The following TENM2 variants were observed in gnomAD, a reference collection of about 807,000 sequenced individuals.
TENM2 encodes the protein teneurin transmembrane protein 2, also known as teneurin-2.
A neutral mutation model predicts 245.2 loss-of-function variants in TENM2; 52 were observed. The ratio of observed to expected loss-of-function variants is 0.21; its 90% CI spans 0.17 to 0.27. TENM2 has a LOEUF of 0.27. Among genes scored for constraint, TENM2 ranks in the 10% least tolerant of loss-of-function variants. TENM2 has a pLI of 1.00. For missense variants in TENM2, 3,046 were observed against 3,666.8 expected (o/e 0.83, Z 4.37); for synonymous variants, 1,363 against 1,438.9 (o/e 0.95, Z 1.19).
chr5:167,754,795 C>A, intron 2 of TENM2: 1 of 334,058 alleles, frequency 3.0e-6, no homozygotes, highest in Admixed American at 4.7e-5. Flanking sequence ...AGAGACATTA[C>A]ATGGGCAGGA....
chr5:168,064,933 A>G (rs529382495), intron 7 of TENM2, among the ~76,000 whole-genome samples: 36 of 152,320 alleles, frequency 2.4e-4, no homozygotes, highest in African/African-American at 8.2e-4. Context: ...ACATGCATTC[A>G]TGTCCATTTG....
At chr5:168,100,318 A>G (rs1339104402) in intron 9 of TENM2, among the ~76,000 whole-genome samples, 1 of 152,204 alleles carries the variant, frequency 6.6e-6, no homozygotes, top group African/African-American at 2.4e-5. Context: ...TGTGGAAGAT[A>G]GTGTGGCGAT....
the TENM2 span, among the ~76,000 whole-genome samples, chr5:167,213,088 A>C: frequency 6.6e-6 from 1 of 152,326 alleles, no homozygotes; most frequent in South Asian, 2.1e-4. Context: ...CAGCTAAACT[A>C]GTTTACTTAG....
chr5:167,068,112 G>A, the TENM2 span, among the ~76,000 whole-genome samples: 3 of 152,188 alleles, frequency 2.0e-5, no homozygotes, highest in Non-Finnish European at 4.4e-5. Context: ...ATAAGGAAGA[G>A]TTGTATTTTA....
At chr5:167,020,530 G>T in the TENM2 span, among the ~76,000 whole-genome samples, 1 of 152,150 alleles carries the variant, frequency 6.6e-6, no homozygotes, top group Admixed American at 6.5e-5. Flanking sequence ...GAAAGGTTTT[G>T]CTAGTAAGCC....
At chr5:167,224,171 G>A in the TENM2 span, among the ~76,000 whole-genome samples, 3 of 152,056 alleles carry the variant, frequency 2.0e-5, no homozygotes, top group East Asian at 5.8e-4. Flanking sequence ...TGTTTCTTTT[G>A]CCGTGCAGAA....
chr5:167,302,209 C>A (rs891647943), intron 1 of TENM2, among the ~76,000 whole-genome samples: 3 of 152,072 alleles, frequency 2.0e-5, no homozygotes, highest in African/African-American at 7.2e-5. Flanking sequence ...TGGAAAGTGC[C>A]ATTTTCTGGC....
chr5:167,562,525 A>G (rs1180635896), intron 2 of TENM2, among the ~76,000 whole-genome samples: 2 of 152,168 alleles, frequency 1.3e-5, no homozygotes, highest in African/African-American at 4.8e-5. Context: ...ATTATTGTCC[A>G]CACACCTGAA....
chr5:167,589,208 A>AG (rs1321862242), intron 2 of TENM2, among the ~76,000 whole-genome samples: 2 of 151,898 alleles, frequency 1.3e-5, no homozygotes, highest in East Asian at 1.9e-4. Flanking sequence ...TCAAAAAAAA[A>AG]AAAAAAATTA....
chr5:167,709,588 A>G (rs1382502206), intron 2 of TENM2, among the ~76,000 whole-genome samples: 1 of 152,228 alleles, frequency 6.6e-6, no homozygotes, highest in Non-Finnish European at 1.5e-5. Context: ...GGGCAGCAGG[A>G]GTGAATGGAG....
the TENM2 span, among the ~76,000 whole-genome samples, chr5:167,059,486 T>C: frequency 6.6e-6 from 1 of 152,152 alleles, no homozygotes; most frequent in Non-Finnish European, 1.5e-5. Flanking sequence ...AGGTGCCAAA[T>C]GAAAGATCAT....
chr5:167,763,694 G>A (rs978243137), intron 2 of TENM2, among the ~76,000 whole-genome samples: 3 of 152,196 alleles, frequency 2.0e-5, no homozygotes, highest in Non-Finnish European at 4.4e-5. Context: ...ATGGCAGTGC[G>A]CGCTTCTAAC....
chr5:167,342,654 A>G (rs1434231676), intron 1 of TENM2, among the ~76,000 whole-genome samples: 97 of 149,468 alleles, frequency 6.5e-4, no homozygotes, highest in African/African-American at 2.3e-3. Flanking sequence ...CAGCCTCCCC[A>G]GTAGCTGGGA....
chr5:168,019,750 T>A (rs1305825934), intron 5 of TENM2, among the ~76,000 whole-genome samples: 1 of 152,242 alleles, frequency 6.6e-6, no homozygotes, highest in African/African-American at 2.4e-5. Flanking sequence ...CCTAAGTTAT[T>A]TTCATGCATG....
intron 2 of TENM2, among the ~76,000 whole-genome samples, chr5:167,402,346 T>A (rs1762409262): frequency 6.6e-6 from 1 of 152,160 alleles, no homozygotes; most frequent in African/African-American, 2.4e-5. Flanking sequence ...CATTTACCCC[T>A]GACAAATCCC....
the TENM2 span, among the ~76,000 whole-genome samples, chr5:167,102,335 A>C: frequency 3.3e-5 from 5 of 152,298 alleles, no homozygotes; most frequent in Admixed American, 2.6e-4. Context: ...TACGTCTGAT[A>C]ATAATAATAA....
intron 1 of TENM2, among the ~76,000 whole-genome samples, chr5:167,305,827 C>T (rs1021103506): frequency 6.6e-6 from 1 of 152,148 alleles, no homozygotes; most frequent in Non-Finnish European, 1.5e-5. Flanking sequence ...TGCCAGGGAT[C>T]CTCCAGTGCA....
intron 7 of TENM2, among the ~76,000 whole-genome samples, chr5:168,082,580 G>A (rs1302421409): frequency 6.6e-6 from 1 of 152,130 alleles, no homozygotes; most frequent in East Asian, 1.9e-4. Flanking sequence ...TTTGGTCTTT[G>A]ATGATGGTGA....
At chr5:167,779,062 G>A (rs889853069) in intron 2 of TENM2, among the ~76,000 whole-genome samples, 2 of 152,196 alleles carry the variant, frequency 1.3e-5, no homozygotes, top group Non-Finnish European at 2.9e-5. Context: ...TGGCAATGAG[G>A]TGGAAGGAAG....
Sources: allele counts gnomAD v4.1 joint callset (sites outside exome capture counted in the v4.1 genomes callset), GRCh38; gene constraint gnomAD v4.1.1; transcripts MANE v1.5; gene names NCBI Gene and HGNC (gene_info 2026-07-23, HGNC 2026-07-21).